Variants in SGPP2 observed in about 807,000 individuals in gnomAD.
The protein encoded by SGPP2 is sphingosine 1-phosphate phosphohydrolase 2.
A neutral mutation model predicts 33.9 loss-of-function variants in SGPP2; 30 were observed. The observed-to-expected ratio is 0.89, with a 90% CI of 0.66 to 1.20. The LOEUF is 1.20. SGPP2 is among the 50% of genes most tolerant of loss of function. SGPP2 has a pLI of 0.00. For missense variants in SGPP2, 458 were observed against 532.1 expected, an observed-to-expected ratio of 0.86 and a Z score of 1.37; for synonymous variants, 233 against 225.0, an observed-to-expected ratio of 1.04 and a Z score of -0.32.
chr2:222,489,656 G>A (rs1290489429), intron 2 of SGPP2, among the ~76,000 whole-genome samples: 2 of 152,092 alleles, frequency 1.3e-5, no homozygotes, highest in African/African-American at 4.8e-5. Context: ...CTTTAACACT[G>A]AAAGGATTAA....
chr2:222,449,020 C>T (rs1251634926), intron 1 of SGPP2, among the ~76,000 whole-genome samples: 7 of 152,096 alleles, frequency 4.6e-5, no homozygotes, highest in South Asian at 2.1e-4. Context: ...ATTTCCTGAC[C>T]GTGAAGGTTG....
intron 4 of SGPP2, among the ~76,000 whole-genome samples, chr2:222,545,705 G>C (rs965828177): frequency 6.6e-6 from 1 of 151,982 alleles, no homozygotes. Flanking sequence ...ATTGAAAAAG[G>C]GAACCATGTT....
intron 4 of SGPP2, among the ~76,000 whole-genome samples, chr2:222,549,740 CT>C (rs888796985): frequency 1.3e-5 from 2 of 151,068 alleles, no homozygotes; most frequent in East Asian, 1.9e-4. Context: ...GTAATGATTC[CT>C]TTTTTTTTCC....
At chr2:222,502,259 T>C (rs1698379310) in intron 2 of SGPP2, among the ~76,000 whole-genome samples, 1 of 152,218 alleles carries the variant, frequency 6.6e-6, no homozygotes, top group Non-Finnish European at 1.5e-5. Flanking sequence ...TATCCCCTTC[T>C]TGTTACATCT....
intron 1 of SGPP2, among the ~76,000 whole-genome samples, chr2:222,425,277 C>G (rs1220519373): frequency 1.3e-5 from 2 of 151,994 alleles, no homozygotes; most frequent in African/African-American, 4.8e-5. Flanking sequence ...TCAGCGCGCT[C>G]CTCACCGCGC....
In SGPP2 at chr2:222,521,758, G is replaced by A. The variant is rs532699058; in HGVS notation, c.379-9G>A. On this transcript the variant is annotated splice_polypyrimidine_tract_variant and intron_variant, in intron 2 of 4. Coordinates refer to ENST00000321276, the MANE Select transcript of SGPP2 (RefSeq NM_152386.4). ...TGATTAGACTTACCTCAGTCCTTTG[G>A]TTTTGCAGTTGGTGATGTATATTGG... The A allele has an allele frequency of 3.1e-6, 5 of 1,595,646 alleles. No individual in the cohort carries two copies. The South Asian group carries it at 5.7e-5, about 18-fold the overall frequency.
chr2:222,482,471 A>G (rs1210209972), intron 2 of SGPP2, among the ~76,000 whole-genome samples: 2 of 152,140 alleles, frequency 1.3e-5, no homozygotes, highest in Admixed American at 6.6e-5. Context: ...ATCATAGCTC[A>G]CTGCAGCTTC....
At chr2:222,552,517 T>C (rs1014405696) in intron 4 of SGPP2, among the ~76,000 whole-genome samples, 3 of 152,130 alleles carry the variant, frequency 2.0e-5, no homozygotes, top group Admixed American at 2.0e-4. Context: ...TTGGGTGCAG[T>C]GTCTACTGCT....
chr2:222,550,541 C>A lies in SGPP2; in HGVS notation c.649-7806C>A, dbSNP rs905745208. 3.3e-5 allele frequency among the ~76,000 whole-genome samples: 5 copies of A among 152,134 alleles called. No homozygotes were observed. The highest frequency in any genetic ancestry group is 7.3e-5 in the Non-Finnish European group (5 of 68,028). ...ATATTTATATAAAATTAGGATCATA[C>A]TTTCTGTAAAGCTTGTATTCTGTTT... is the stretch of plus-strand genomic sequence containing the variant. On this transcript the variant is annotated intron_variant, in intron 4 of 4. Coordinates refer to ENST00000321276, the MANE Select transcript of SGPP2 (RefSeq NM_152386.4). This position sits in a 1 kb window ranked among gnomAD's most constrained non-coding sequence, Gnocchi z 4.5.
intron 4 of SGPP2, among the ~76,000 whole-genome samples, chr2:222,548,329 A>G (rs529638930): frequency 2.0e-5 from 3 of 152,350 alleles, no homozygotes; most frequent in South Asian, 2.1e-4. Flanking sequence ...AAAAATGTCA[A>G]TTTCAACTGC....
chr2:222,453,118 T>TATG, intron 1 of SGPP2: 1 of 839,788 alleles, frequency 1.2e-6, no homozygotes, highest in Non-Finnish European at 2.1e-6. Context: ...AGGACTATCC[T>TATG]CAGATCCATG....
intron 2 of SGPP2, among the ~76,000 whole-genome samples, chr2:222,516,381 G>A (rs1698603323): frequency 6.6e-6 from 1 of 152,182 alleles, no homozygotes; most frequent in African/African-American, 2.4e-5. Flanking sequence ...TTGCTGAGTA[G>A]TATTCAGTTG....
intron 4 of SGPP2, among the ~76,000 whole-genome samples, chr2:222,534,737 AT>A (rs1397981719): frequency 6.6e-6 from 1 of 152,162 alleles, no homozygotes; most frequent in Non-Finnish European, 1.5e-5. Flanking sequence ...GAATTTAGTT[AT>A]GTTTCTGAGC....
chr2:222,558,001 C>T (rs5016700), intron 4 of SGPP2, among the ~76,000 whole-genome samples: 46,455 of 151,964 alleles, frequency 0.31, 7,647 homozygotes, highest in South Asian at 0.48. Flanking sequence ...TCGGTGAAGA[C>T]GGTGACAGTA....
chr2:222,521,490 C>T (rs915684870), intron 2 of SGPP2, among the ~76,000 whole-genome samples: 2 of 150,156 alleles, frequency 1.3e-5, no homozygotes, highest in Admixed American at 6.6e-5. Flanking sequence ...GTGTCCAACA[C>T]ATATATAAGC....
chr2:222,554,812 A>G (rs993784505), intron 4 of SGPP2, among the ~76,000 whole-genome samples: 1 of 152,212 alleles, frequency 6.6e-6, no homozygotes, highest in African/African-American at 2.4e-5. Context: ...AAAAGAGAGC[A>G]CCAGCTTTTT....
At chr2:222,537,122 G>A (rs1366672201) in intron 4 of SGPP2, among the ~76,000 whole-genome samples, 2 of 152,186 alleles carry the variant, frequency 1.3e-5, no homozygotes, top group Non-Finnish European at 2.9e-5. Flanking sequence ...GCCTCAGCCA[G>A]GAAGCCTCCT....
intron 4 of SGPP2, among the ~76,000 whole-genome samples, chr2:222,556,193 C>G (rs948009615): frequency 6.6e-6 from 1 of 152,156 alleles, no homozygotes; most frequent in South Asian, 2.1e-4. Flanking sequence ...TGTAGAAAAC[C>G]CAAAGAGTTT....
chr2:222,468,402 G>A (rs914272518), intron 1 of SGPP2, among the ~76,000 whole-genome samples: 42 of 148,918 alleles, frequency 2.8e-4, no homozygotes, highest in East Asian at 5.9e-4. Flanking sequence ...AAAAAAAATT[G>A]TACATTAAAA....
Sources: gnomAD v4.1 joint callset for allele counts (sites outside exome capture counted in the v4.1 genomes callset) on GRCh38, gnomAD v4.1.1 for gene constraint, Gnocchi (gnomAD v3.1) non-coding constraint, MANE v1.5 for transcripts, NCBI Gene and HGNC (gene_info 2026-07-23, HGNC 2026-07-21) for gene names.